ULK4: variants seen among roughly 807,000 people sequenced by gnomAD.
ULK4 encodes inactive serine/threonine-protein kinase ULK4.
Under a neutral mutation model 160.6 loss-of-function variants are expected in ULK4, and 133 were observed. That is an observed-to-expected ratio of 0.83 (90% CI 0.72 to 0.96). ULK4 has a LOEUF of 0.96. Among genes scored for constraint, ULK4 ranks in the 40% least tolerant of loss-of-function variants. The probability of loss-of-function intolerance (pLI) is 0.00; values close to 1 mark genes in which losing one functional copy is unlikely to be tolerated. For synonymous variants in ULK4, 534 were observed against 539.8 expected (o/e 0.99, Z 0.15); for missense variants, 1,580 against 1,499.5 (o/e 1.05, Z -0.89).
chr3:41,558,361 T>C (rs894001879), intron 32 of ULK4, among the ~76,000 whole-genome samples: 3 of 151,950 alleles, frequency 2.0e-5, no homozygotes, highest in African/African-American at 7.2e-5. Flanking sequence ...ATATTTTTCT[T>C]AGGGGAGGAA....
At chr3:41,675,174 AG>A (rs932513677) in intron 29 of ULK4, among the ~76,000 whole-genome samples, 2 of 151,662 alleles carry the variant, frequency 1.3e-5, no homozygotes, top group African/African-American at 4.9e-5. Context: ...CAGGAAATGG[AG>A]GTTGCAATGA....
chr3:41,948,671 T>C (rs1462912881), intron 2 of ULK4, among the ~76,000 whole-genome samples: 2 of 147,180 alleles, frequency 1.4e-5, no homozygotes, highest in African/African-American at 2.5e-5. Context: ...AAAAAACGCA[T>C]GATCATCTCA....
intron 31 of ULK4, among the ~76,000 whole-genome samples, chr3:41,594,443 G>A (rs2031555182): frequency 1.3e-5 from 2 of 152,090 alleles, no homozygotes; most frequent in African/African-American, 4.8e-5. Context: ...AGGAGGCTGA[G>A]GTGGGAGGAT....
chr3:41,909,209 A>G (rs1348694676), intron 11 of ULK4, among the ~76,000 whole-genome samples: 1 of 151,916 alleles, frequency 6.6e-6, no homozygotes, highest in Non-Finnish European at 1.5e-5. Context: ...TGCAGTGAGC[A>G]AAGACCGCAC....
chr3:41,878,526 G>A (rs1265052736), intron 17 of ULK4, among the ~76,000 whole-genome samples: 3 of 151,978 alleles, frequency 2.0e-5, no homozygotes, highest in African/African-American at 2.4e-5. Flanking sequence ...TCTATTTTAA[G>A]GATAACCAAA....
intron 19 of ULK4, among the ~76,000 whole-genome samples, chr3:41,816,453 AAAACACGAGGTAAATAG>A (rs1376749062): frequency 3.3e-5 from 5 of 152,236 alleles, no homozygotes; most frequent in Non-Finnish European, 7.3e-5. Context: ...CAGGAAGCCC[AAAACACGAGGTAAATAG>A]AAAAAGATGG....
intron 35 of ULK4, among the ~76,000 whole-genome samples, chr3:41,391,397 A>G (rs1376872558): frequency 6.6e-6 from 1 of 152,122 alleles, no homozygotes; most frequent in African/African-American, 2.4e-5. Flanking sequence ...TTTTACATCA[A>G]TCCCCATTCT....
intron 29 of ULK4, among the ~76,000 whole-genome samples, chr3:41,676,555 T>G (rs1408674500): frequency 6.6e-6 from 1 of 151,958 alleles, no homozygotes; most frequent in East Asian, 1.9e-4. Flanking sequence ...AATATTTCAG[T>G]AAACATTTTT....
At chr3:41,803,717 T>A (rs1188451752) in intron 19 of ULK4, among the ~76,000 whole-genome samples, 1 of 152,128 alleles carries the variant, frequency 6.6e-6, no homozygotes, top group Non-Finnish European at 1.5e-5. Context: ...TTCCCACCTA[T>A]GAGTGAGAAC....
At chr3:41,663,314 A>C (rs1428544746) in intron 30 of ULK4, among the ~76,000 whole-genome samples, 3 of 152,218 alleles carry the variant, frequency 2.0e-5, no homozygotes, top group Non-Finnish European at 4.4e-5. Flanking sequence ...TCAGTACAAA[A>C]TGAGGCACCA....
At chr3:41,504,367 C>T (rs1209214120) in intron 32 of ULK4, among the ~76,000 whole-genome samples, 1 of 152,084 alleles carries the variant, frequency 6.6e-6, no homozygotes, top group Non-Finnish European at 1.5e-5. Flanking sequence ...CCTAGAATAG[C>T]AGCTGAAATT....
chr3:41,399,096 G>A (rs1238499964), intron 34 of ULK4, among the ~76,000 whole-genome samples: 2 of 152,104 alleles, frequency 1.3e-5, no homozygotes, highest in African/African-American at 4.8e-5. Flanking sequence ...TTGAAGAACT[G>A]CCAGACTGTT....
chr3:41,857,484 C>T (rs548796376), intron 17 of ULK4, among the ~76,000 whole-genome samples: 2 of 152,192 alleles, frequency 1.3e-5, no homozygotes, highest in East Asian at 1.9e-4. Context: ...ACTCTCTCCT[C>T]GTCTTATTTT....
Position 41,867,395 on chromosome 3 carries a change from G to T in ULK4, c.1656+16479C>A, listed in dbSNP as rs563132046. 2.6e-5 allele frequency among the ~76,000 whole-genome samples: 4 copies of T among 152,058 alleles called. No individual in the cohort carries two copies. In the South Asian group the frequency reaches 6.2e-4, roughly 24 times the overall value. On this transcript the variant is annotated intron_variant, in intron 17 of 36. Coordinates refer to ENST00000301831, the MANE Select transcript of ULK4 (RefSeq NM_017886.4). ...GACAATCTGTGTGTTTTGTTGTTTTGGGGGGGCAAGGTGTCACCCAGGCTG... is the reference window on the plus strand; with the variant it reads ...GACAATCTGTGTGTTTTGTTGTTTTTGGGGGGCAAGGTGTCACCCAGGCTG...
chr3:41,712,232 C>T (rs2037123390), intron 25 of ULK4, among the ~76,000 whole-genome samples: 1 of 152,156 alleles, frequency 6.6e-6, no homozygotes, highest in Non-Finnish European at 1.5e-5. Flanking sequence ...GCAAACCATG[C>T]CCTAGTGCCA....
intron 29 of ULK4, among the ~76,000 whole-genome samples, chr3:41,675,179 G>C (rs980376769): frequency 6.6e-6 from 1 of 151,930 alleles, no homozygotes; most frequent in Non-Finnish European, 1.5e-5. Context: ...AATGGAGGTT[G>C]CAATGAGCCG....
chr3:41,270,705 T>G (rs1255065979), intron 35 of ULK4, among the ~76,000 whole-genome samples: 1 of 152,232 alleles, frequency 6.6e-6, no homozygotes, highest in Non-Finnish European at 1.5e-5. Flanking sequence ...TGTTAAATAC[T>G]ACTAATGTCC....
chr3:41,823,337 G>C (rs1462120539), intron 18 of ULK4, among the ~76,000 whole-genome samples: 4 of 152,152 alleles, frequency 2.6e-5, no homozygotes, highest in East Asian at 1.9e-4. Flanking sequence ...AGATAGTGAG[G>C]AATTAGGTCA....
intron 29 of ULK4, among the ~76,000 whole-genome samples, chr3:41,677,190 T>G (rs887290675): frequency 6.7e-5 from 10 of 148,730 alleles, no homozygotes; most frequent in African/African-American, 2.2e-4. Context: ...ATTACAGGTG[T>G]GAGCCGGTGT....
Sources: gnomAD v4.1 joint callset for allele counts (sites outside exome capture counted in the v4.1 genomes callset) on GRCh38, gnomAD v4.1.1 for gene constraint, MANE v1.5 for transcripts, NCBI Gene and HGNC (gene_info 2026-07-23, HGNC 2026-07-21) for gene names.